Variants in CNTN4 observed in about 807,000 individuals in gnomAD.
CNTN4 encodes contactin 4.
In CNTN4, 77 loss-of-function variants were observed where a neutral mutation model predicts 122.5. That is an observed-to-expected ratio of 0.63 (90% CI 0.52 to 0.76). The LOEUF is 0.76. Ranked by LOEUF, CNTN4 falls within the 30% of genes least tolerant of loss-of-function variation. The pLI, the probability that CNTN4 is intolerant of heterozygous loss-of-function variation, is 0.00. For missense variants in CNTN4, 1,256 were observed against 1,259.1 expected (o/e 1.00, Z 0.04); for synonymous variants, 512 against 447.0 (o/e 1.15, Z -1.83).
rs903207664 is a variant in CNTN4 at position 2,709,848 on chromosome 3, T to C, written c.56-26367T>C. On this transcript the variant is annotated intron_variant, in intron 4 of 24. Coordinates refer to ENST00000418658, the MANE Select transcript of CNTN4 (RefSeq NM_175607.3). The surrounding 1 kb of genome is among the most constrained non-coding windows in gnomAD (Gnocchi z 5.0). Reference sequence around the variant, plus strand: ...AGAGCCCGGGAGTCCAGCAGTGAGCTGAGACTGCGCCACTGCACTCCAGCC... The same window carrying C: ...AGAGCCCGGGAGTCCAGCAGTGAGCCGAGACTGCGCCACTGCACTCCAGCC... 1.3e-5 allele frequency among the ~76,000 whole-genome samples: 2 copies of C among 151,936 alleles called. No individual in the cohort carries two copies.
rs760289935 is a variant in CNTN4 at position 2,385,716 on chromosome 3, A to G, written c.-89+46483A>G. On this transcript the variant is annotated intron_variant, in intron 3 of 24. Transcript: ENST00000418658. This position sits in a 1 kb window ranked among gnomAD's most constrained non-coding sequence, Gnocchi z 4.0. ...CATTCCCTGTATGCCTGTGTGTTCA[A>G]ATTTTTTCCTCTTCTCATAAGGACA... Among the ~76,000 whole-genome samples the G allele has an allele frequency of 6.6e-6, 1 of 152,108 alleles. No individual in the cohort carries two copies. The highest frequency in any genetic ancestry group is 6.6e-5 in the Admixed American group (1 of 15,260).
intron 2 of CNTN4, among the ~76,000 whole-genome samples, chr3:2,328,416 A>T (rs1043191303): frequency 2.6e-5 from 4 of 152,234 alleles, no homozygotes; most frequent in Non-Finnish European, 5.9e-5. Flanking sequence ...AAAAAATAAA[A>T]AAATAAAAAA....
At chr3:2,730,060 T>C (rs1168599660) in intron 4 of CNTN4, among the ~76,000 whole-genome samples, 2 of 152,162 alleles carry the variant, frequency 1.3e-5, no homozygotes, top group African/African-American at 2.4e-5. Flanking sequence ...TTAGCTAAGG[T>C]CATAGAGGTT....
chr3:2,675,718 T>C (rs2084806994), intron 4 of CNTN4, among the ~76,000 whole-genome samples: 1 of 152,310 alleles, frequency 6.6e-6, no homozygotes, highest in East Asian at 1.9e-4. Context: ...AGGGAAAGCA[T>C]CTAACAGGGG....
At chr3:2,521,848 G>T (rs1203070364) in intron 3 of CNTN4, among the ~76,000 whole-genome samples, 1 of 151,980 alleles carries the variant, frequency 6.6e-6, no homozygotes, top group Non-Finnish European at 1.5e-5. Flanking sequence ...ACTATCAGAG[G>T]GCTCAACACT....
intron 7 of CNTN4, among the ~76,000 whole-genome samples, chr3:2,820,171 A>G (rs558544650): frequency 1.3e-5 from 2 of 152,252 alleles, no homozygotes; most frequent in East Asian, 3.9e-4. Flanking sequence ...TGCCACTTTC[A>G]AGTCCTTGAC....
chr3:2,658,617 T>C (rs2150260123), intron 4 of CNTN4, among the ~76,000 whole-genome samples: 1 of 152,326 alleles, frequency 6.6e-6, no homozygotes, highest in South Asian at 2.1e-4. Context: ...TTTCCTTAAA[T>C]ACCCAAACCA....
At chr3:2,260,459 G>A (rs922535236) in intron 2 of CNTN4, among the ~76,000 whole-genome samples, 2 of 152,026 alleles carry the variant, frequency 1.3e-5, no homozygotes, top group Admixed American at 1.3e-4. Flanking sequence ...AATTCAAGGT[G>A]TTATTAGGAT....
Position 2,900,780 on chromosome 3 carries a change from A to G in CNTN4, c.1036A>G (p.Thr346Ala). Residue 346 changes from threonine to alanine, a missense_variant, in exon 11 of 25, where the codon ACA becomes GCA. Transcript: ENST00000418658. ...TAAAGCAAATGGAAGGCCTAAGCCT[A>G]CATACAAGTGGCTAAAAAATGGCGA... ...ECKANGRPKPTYKWLKNGEPL... is the reference protein window; with the variant it reads ...ECKANGRPKPAYKWLKNGEPL... The G allele has an allele frequency of 6.2e-7, 1 of 1,613,996 alleles. No individual in the cohort carries two copies. Among genetic ancestry groups the G allele is most frequent in the Non-Finnish European group, 8.5e-7 (1 of 1,179,834 alleles).
intron 3 of CNTN4, among the ~76,000 whole-genome samples, chr3:2,360,119 C>G (rs985493626): frequency 3.3e-5 from 5 of 152,040 alleles, no homozygotes; most frequent in Admixed American, 2.6e-4. Context: ...TGTGATTAGA[C>G]CTGTGTTATT....
chr3:3,026,222 A>G lies in CNTN4; in HGVS notation c.1607A>G (p.Asn536Ser). ...GACATCGTGTTTACTTGGTCATTTA[A>G]TGGACACCTGATAGACTTTGACAGA... Reference protein sequence around the residue: ...SLDIVFTWSFNGHLIDFDRDG... With the variant: ...SLDIVFTWSFSGHLIDFDRDG... Residue 536 changes from asparagine to serine, a missense_variant, in exon 15 of 25, where the codon AAT (asparagine) becomes AGT (serine). Coordinates refer to ENST00000418658, the MANE Select transcript of CNTN4 (RefSeq NM_175607.3). 6.2e-7 allele frequency: 1 copy of G among 1,613,578 alleles called. No individual in the cohort carries two copies. The highest frequency in any genetic ancestry group is 8.5e-7 in the Non-Finnish European group (1 of 1,179,572).
At chr3:2,172,595 A>G (rs1461284175) in intron 2 of CNTN4, among the ~76,000 whole-genome samples, 1 of 152,234 alleles carries the variant, frequency 6.6e-6, no homozygotes, top group East Asian at 1.9e-4. Context: ...AGGCCAGCCC[A>G]TGAAAGCCGT....
intron 3 of CNTN4, among the ~76,000 whole-genome samples, chr3:2,383,295 C>G (rs1280256289): frequency 6.6e-6 from 1 of 152,052 alleles, no homozygotes; most frequent in Non-Finnish European, 1.5e-5. Flanking sequence ...TTTATCCAAC[C>G]TCTGTTTAAA....
rs538209029 is a variant in CNTN4, at chr3:2,868,806, C to G, written c.652+1857C>G. On this transcript the variant is annotated intron_variant, in intron 8 of 24. Transcript: ENST00000418658. Reference sequence around the variant, plus strand: ...AACCAAAATCCTATTATTTTAGATGCCAGTAAACCAGTATGATAAAATAGC... The same window carrying G: ...AACCAAAATCCTATTATTTTAGATGGCAGTAAACCAGTATGATAAAATAGC... Among the ~76,000 whole-genome samples, 13 of 152,070 alleles carry G rather than the reference C, an allele frequency of 8.5e-5. No homozygotes were observed. The South Asian group carries it at 2.5e-3, about 29-fold the overall frequency.
At chr3:2,255,130 T>G (rs2040528950) in intron 2 of CNTN4, among the ~76,000 whole-genome samples, 1 of 152,232 alleles carries the variant, frequency 6.6e-6, no homozygotes, top group Non-Finnish European at 1.5e-5. Context: ...CAACACCATT[T>G]ATTAAGTAGG....
chr3:2,863,859 C>A (rs1217820430), intron 7 of CNTN4, among the ~76,000 whole-genome samples: 1 of 152,162 alleles, frequency 6.6e-6, no homozygotes, highest in Non-Finnish European at 1.5e-5. Flanking sequence ...GTAATTTGAT[C>A]ATGTAACCCT....
intron 3 of CNTN4, among the ~76,000 whole-genome samples, chr3:2,536,964 T>C (rs1429488226): frequency 6.6e-6 from 1 of 152,128 alleles, no homozygotes; most frequent in Admixed American, 6.6e-5. Flanking sequence ...TTGTCTCATT[T>C]ATAAAATAAT....
chr3:2,498,120 T>A (rs945091113), intron 3 of CNTN4, among the ~76,000 whole-genome samples: 2 of 152,216 alleles, frequency 1.3e-5, no homozygotes, highest in African/African-American at 2.4e-5. Flanking sequence ...ATTTCATCTT[T>A]ATGTATTTTT....
At chr3:2,623,241 T>C (rs1158970031) in intron 4 of CNTN4, among the ~76,000 whole-genome samples, 4 of 152,200 alleles carry the variant, frequency 2.6e-5, no homozygotes, top group African/African-American at 7.2e-5. Flanking sequence ...ATTTTTTTTT[T>C]TTTCATTTTT....
Sources: allele counts gnomAD v4.1 joint callset (sites outside exome capture counted in the v4.1 genomes callset), GRCh38; gene constraint gnomAD v4.1.1; non-coding constraint Gnocchi (gnomAD v3.1); transcripts MANE v1.5; gene names NCBI Gene and HGNC (gene_info 2026-07-23, HGNC 2026-07-21).